Variants in BRCA2 observed in about 807,000 individuals in gnomAD.
BRCA2 encodes the protein breast cancer type 2 susceptibility protein.
BRCA2 carries 203 observed loss-of-function variants against 276.7 expected under a neutral mutation model. The observed-to-expected ratio is 0.73, with a 90% CI of 0.65 to 0.82. BRCA2 has a LOEUF of 0.82. Among genes scored for constraint, BRCA2 ranks in the 40% least tolerant of loss-of-function variants. BRCA2 has a pLI of 0.00. For missense variants in BRCA2, 3,920 were observed against 3,915.0 expected, an observed-to-expected ratio of 1.00 and a Z score of -0.03; for synonymous variants, 1,289 against 1,338.4, an observed-to-expected ratio of 0.96 and a Z score of 0.81.
rs149474191 is a variant in BRCA2 at position 32,340,063 on chromosome 13, T to C, written c.5708T>C (p.Ile1903Thr). 11 of 1,613,872 alleles carry C rather than the reference T, an allele frequency of 6.8e-6. No homozygotes were observed. The East Asian group carries it at 2.0e-4, about 29-fold the overall frequency. The change falls in exon 11 of 27, where the codon ATT becomes ACT. Residue 1903 changes from isoleucine to threonine, a missense_variant. By Grantham distance (89) the Ile-to-Thr change is moderately conservative. Coordinates refer to ENST00000380152, the MANE Select transcript of BRCA2 (RefSeq NM_000059.4). ...GAGGCATTGGATGATTCAGAGGATA[T>C]TCTTCATAACTCTCTAGATAATGAT... is the stretch of plus-strand genomic sequence containing the variant. ...CYEALDDSED[I>T]LHNSLDNDEC...
At position 32,340,858 on chromosome 13, in the gene BRCA2, G is replaced by A. The variant is rs397507372; in HGVS notation, c.6503G>A (p.Gly2168Glu). 6.2e-7 allele frequency: 1 copy of A among 1,600,058 alleles called. No individual in the cohort carries two copies. Among genetic ancestry groups the A allele is most frequent in the East Asian group, 2.2e-5 (1 of 44,744 alleles). Residue 2168 changes from glycine (G) to glutamate (E), a missense_variant, in exon 11 of 27, where the codon GGA (glycine) becomes GAA (glutamate). Around this residue, in one of 2 missense-constraint regions of BRCA2, gnomAD observed 3,263 missense variants for 3,156.9 expected, o/e 1.03. Coordinates refer to ENST00000380152, the MANE Select transcript of BRCA2 (RefSeq NM_000059.4). ...CAAGACAAACAACAGTTGGTATTAG[G>A]AACCAAAGTGTCACTTGTTGAGAAC... ...FQQDKQQLVL[G>E]TKVSLVENIH...
rs1566231634 is a variant in BRCA2 at position 32,339,416 on chromosome 13, T to A, written c.5061T>A (p.Leu1687=). The change falls in exon 11 of 27, where the codon CTT becomes CTA. Residue 1687 remains leucine, a synonymous_variant. Coordinates refer to ENST00000380152, the MANE Select transcript of BRCA2 (RefSeq NM_000059.4). ...RKTSVSQTSL[L]EAKKWLREGI... The stretch of plus-strand genomic sequence containing the variant: ...CTTCTGTGAGTCAGACTTCATTACT[T>A]GAAGCAAAAAAATGGCTTAGAGAAG... 1 of 1,593,376 alleles carries A rather than the reference T, an allele frequency of 6.3e-7. No homozygotes were observed. The highest frequency in any genetic ancestry group is 8.5e-7 in the Non-Finnish European group (1 of 1,171,450).
intron 24 of BRCA2, among the ~76,000 whole-genome samples, chr13:32,394,435 G>A (rs1469519806): frequency 6.6e-6 from 1 of 152,188 alleles, no homozygotes; most frequent in Admixed American, 6.5e-5. Context: ...ACTCCTGTTA[G>A]CAATGTGTGC....
intron 11 of BRCA2, among the ~76,000 whole-genome samples, chr13:32,342,836 A>G (rs2072581889): frequency 6.6e-6 from 1 of 152,152 alleles, no homozygotes; most frequent in Non-Finnish European, 1.5e-5. Flanking sequence ...ACCTGAGGTC[A>G]GGAGTTTGAG....
In BRCA2 at chr13:32,338,073, C is replaced by T. The variant is rs2137499307; in HGVS notation, c.3718C>T (p.Leu1240=). ...STEALQKAVK[L]FSDIENISEE... is the part of the protein sequence containing the mutation. ...TGAAGCTCTGCAAAAAGCTGTGAAA[C>T]TGTTTAGTGATATTGAGAATATTAG... is the stretch of plus-strand genomic sequence containing the variant. The change falls in exon 11 of 27, where the codon CTG becomes TTG. Residue 1240 remains leucine (L), a synonymous_variant. Coordinates refer to ENST00000380152, the MANE Select transcript of BRCA2 (RefSeq NM_000059.4). 6.2e-7 allele frequency: 1 copy of T among 1,611,396 alleles called. No individual in the cohort carries two copies. The highest frequency in any genetic ancestry group is 8.5e-7 in the Non-Finnish European group (1 of 1,178,912).
At chr13:32,361,590 A>G (rs74047015) in intron 16 of BRCA2, among the ~76,000 whole-genome samples, 6 of 152,286 alleles carry the variant, frequency 3.9e-5, no homozygotes, top group African/African-American at 1.4e-4. Flanking sequence ...AAAATTGATG[A>G]TGCAGGAGAG....
At chr13:32,363,147 C>A (rs2072752695) in intron 17 of BRCA2, 32 bp from the exon 18 acceptor site, 1 of 1,564,144 alleles carries the variant, frequency 6.4e-7, no homozygotes, top group Non-Finnish European at 8.8e-7. Flanking sequence ...AGTCACACTT[C>A]CTAAAATATG....
At chr13:32,322,826 A>G (rs568327148) in intron 3 of BRCA2, among the ~76,000 whole-genome samples, 1 of 152,358 alleles carries the variant, frequency 6.6e-6, no homozygotes, top group East Asian at 1.9e-4. Flanking sequence ...CATCTATTGA[A>G]GGACATCTTG....
At chr13:32,317,600 A>G (rs1307310020) in intron 2 of BRCA2, among the ~76,000 whole-genome samples, 2 of 152,246 alleles carry the variant, frequency 1.3e-5, no homozygotes, top group Non-Finnish European at 2.9e-5. Flanking sequence ...GGTGTTCTGA[A>G]TTATACAAAG....
intron 24 of BRCA2, among the ~76,000 whole-genome samples, chr13:32,393,202 G>T (rs2073009332): frequency 6.6e-6 from 1 of 151,906 alleles, no homozygotes; most frequent in Admixed American, 6.6e-5. Context: ...TAAATATCTT[G>T]AGGGAGATTC....
chr13:32,392,291 T>C (rs1440041049), intron 24 of BRCA2, among the ~76,000 whole-genome samples: 1 of 152,214 alleles, frequency 6.6e-6, no homozygotes, highest in Non-Finnish European at 1.5e-5. Flanking sequence ...TAGAATTAAA[T>C]GCTTAGTGCC....
chr13:32,399,262 G>A lies in BRCA2; in HGVS notation c.*492G>A, dbSNP rs181433486. 1 of 202,854 alleles carries A rather than the reference G, an allele frequency of 4.9e-6. No individual in the cohort carries two copies. The highest frequency in any genetic ancestry group is 2.3e-5 in the African/African-American group (1 of 43,660). 12.6% of individuals were successfully genotyped at this position (202,854 alleles called of 1,614,324 possible). A position where few individuals can be genotyped will look rare whatever the true frequency, so the allele number is the denominator to read the frequency against. On this transcript the variant is annotated 3_prime_UTR_variant, in exon 27 of 27. Coordinates refer to ENST00000380152, the MANE Select transcript of BRCA2 (RefSeq NM_000059.4). ...AGATTGTGTCATTAAATGGAATGAG[G>A]TCTCTTAGTACAGTTATTTTGATGC... is the stretch of plus-strand genomic sequence containing the variant.
rs367789070 is a variant in BRCA2, at chr13:32,337,803, A to T, written c.3448A>T (p.Thr1150Ser). The change falls in exon 11 of 27, where the codon ACT becomes TCT. Residue 1150 changes from threonine to serine, a missense_variant. Physicochemically the swap from Thr to Ser is moderately conservative, Grantham distance 58 (BLOSUM62 1). This residue lies in a region of BRCA2 where 3,263 missense variants were observed against 3,156.9 expected (regional missense o/e 1.03). Coordinates refer to ENST00000380152, the MANE Select transcript of BRCA2 (RefSeq NM_000059.4). Reference protein sequence around the residue: ...STFEVPENQMTILKTTSEECR... With the variant: ...STFEVPENQMSILKTTSEECR... Reference sequence around the variant, plus strand: ...ATTTGAAGTGCCTGAAAACCAGATGACTATCTTAAAGACCACTTCTGAGGA... The same window carrying T: ...ATTTGAAGTGCCTGAAAACCAGATGTCTATCTTAAAGACCACTTCTGAGGA... 6.2e-7 allele frequency: 1 copy of T among 1,614,088 alleles called. No homozygotes were observed. The highest frequency in any genetic ancestry group is 1.3e-5 in the African/African-American group (1 of 75,036).
At chr13:32,365,721 C>CT (rs36116910) in intron 18 of BRCA2, among the ~76,000 whole-genome samples, 34,357 of 105,778 alleles carry the variant, frequency 0.32, 5,506 homozygotes, top group East Asian at 0.49. Flanking sequence ...ACTTTGGTGT[C>CT]TTTTTTTTTT....
In BRCA2 at chr13:32,356,629, A is replaced by G. The variant is rs2072700595; in HGVS notation, c.7617+20A>G. 1 of 1,612,114 alleles carries G rather than the reference A, an allele frequency of 6.2e-7. No individual in the cohort carries two copies. Among genetic ancestry groups the G allele is most frequent in the Non-Finnish European group, 8.5e-7 (1 of 1,178,212 alleles). On this transcript the variant is annotated intron_variant, in intron 15 of 26. Transcript: ENST00000380152. ...AAACAGGTATGTGTTTGTCTACAAT[A>G]CTGATGGCTTTTATGACAGAGTGTA...
chr13:32,360,086 G>A (rs1413019655), intron 16 of BRCA2, among the ~76,000 whole-genome samples: 1 of 152,166 alleles, frequency 6.6e-6, no homozygotes, highest in East Asian at 1.9e-4. Context: ...TAAGTAGTTA[G>A]GAAGGCTTCA....
Position 32,338,502 on chromosome 13 carries a change from G to A in BRCA2, c.4147G>A (p.Asp1383Asn), listed in dbSNP as rs587782234. The A allele has an allele frequency of 1.9e-6, 3 of 1,605,330 alleles. No homozygotes were observed. In the East Asian group the frequency reaches 6.7e-5, roughly 36 times the overall value. ...GGAGGGAAACACTCAGATTAAAGAA[G>A]ATTTGTCAGATTTAACTTTTTTGGA... ...MKEGNTQIKE[D>N]LSDLTFLEVA... The change falls in exon 11 of 27, where the codon GAT (aspartate) becomes AAT (asparagine). Residue 1383 changes from aspartate (D) to asparagine (N), a missense_variant. Physicochemically the swap from Asp to Asn is conservative, Grantham distance 23 (BLOSUM62 1). This residue lies in a region of BRCA2 where 3,263 missense variants were observed against 3,156.9 expected (regional missense o/e 1.03). Transcript: ENST00000380152.
Position 32,340,789 on chromosome 13 carries a change from A to G in BRCA2, c.6434A>G (p.Asn2145Ser), listed in dbSNP as rs80358878. 5 of 1,594,324 alleles carry G rather than the reference A, an allele frequency of 3.1e-6. No homozygotes were observed. The highest frequency in any genetic ancestry group is 4.3e-6 in the Non-Finnish European group (5 of 1,174,434). ...NLNVEGGSSE[N>S]NHSIKVSPYL... ...AATGTTGAAGGTGGTTCTTCAGAAA[A>G]TAATCACTCTATTAAAGTTTCTCCA... is the stretch of plus-strand genomic sequence containing the variant. The change falls in exon 11 of 27, where the codon AAT (asparagine) becomes AGT (serine). Residue 2145 changes from asparagine (N) to serine (S), a missense_variant. Asn to Ser is a conservative substitution (Grantham distance 46). Around this residue, in one of 2 missense-constraint regions of BRCA2, gnomAD observed 3,263 missense variants for 3,156.9 expected, o/e 1.03. Transcript: ENST00000380152.
In BRCA2 at chr13:32,399,070, G is replaced by A. The variant is rs2073061494; in HGVS notation, c.*300G>A. 1 of 343,076 alleles carries A rather than the reference G, an allele frequency of 2.9e-6. No homozygotes were observed. Among genetic ancestry groups the A allele is most frequent in the Non-Finnish European group, 5.3e-6 (1 of 187,936 alleles). The allele number at this position is 343,076 out of a possible 1,614,324, so 21.3% of individuals were successfully genotyped here. ...AATCCCAACACTTTGAGAAGCTGAG[G>A]TGGGAGGAGTGCTTGAGGCCAGGAG... On this transcript the variant is annotated 3_prime_UTR_variant, in exon 27 of 27. Transcript: ENST00000380152.
Sources: gnomAD v4.1 joint callset for allele counts (sites outside exome capture counted in the v4.1 genomes callset) on GRCh38, gnomAD v4.1.1 for gene constraint, gnomAD v4.1.1 regional missense constraint, MANE v1.5 for transcripts, NCBI Gene and HGNC (gene_info 2026-07-23, HGNC 2026-07-21) for gene names.